The following KAZN variants were observed in gnomAD, a reference collection of about 807,000 sequenced individuals.
KAZN encodes kazrin, periplakin interacting protein.
In KAZN, 40 loss-of-function variants were observed where a neutral mutation model predicts 87.4. The observed-to-expected ratio is 0.46, with a 90% confidence interval of 0.36 to 0.60. The LOEUF is 0.60. Among genes scored for constraint, KAZN ranks in the 20% least tolerant of loss-of-function variants. The pLI is 0.00. For missense variants in KAZN, 898 were observed against 1,073.9 expected (o/e 0.84, Z 2.29); for synonymous variants, 466 against 458.3 (o/e 1.02, Z -0.22).
intron 1 of KAZN, among the ~76,000 whole-genome samples, chr1:13,974,015 G>C (rs1308616168): frequency 1.3e-5 from 2 of 152,256 alleles, no homozygotes; most frequent in Admixed American, 1.3e-4. Context: ...AGATGCATGG[G>C]GCAAAGTCTG....
intron 1 of KAZN, among the ~76,000 whole-genome samples, chr1:14,014,563 T>C (rs1640474620): frequency 6.6e-6 from 1 of 152,144 alleles, no homozygotes. Flanking sequence ...TCTCTTAGCC[T>C]GCAAGATAAG....
intron 1 of KAZN, among the ~76,000 whole-genome samples, chr1:14,812,291 A>G (rs1202947031): frequency 1.3e-5 from 2 of 152,148 alleles, no homozygotes; most frequent in African/African-American, 4.8e-5. Flanking sequence ...AGGAGCTCAG[A>G]CTACATTTCA....
rs1000264210 is a variant in KAZN, at chr1:15,104,200, G to C, written c.2048+11G>C. The C allele has an allele frequency of 6.4e-7, 1 of 1,564,194 alleles. No individual in the cohort carries two copies. Among genetic ancestry groups the C allele is most frequent in the Non-Finnish European group, 8.7e-7 (1 of 1,154,496 alleles). ...CTTCCACCCAGCCAAGTGAGCACGG[G>C]CTGGGATCCAGTCATGTGGGCTGCT... On this transcript the variant is annotated intron_variant, in intron 13 of 14. Coordinates refer to ENST00000376030, the MANE Select transcript of KAZN (RefSeq NM_201628.3).
At chr1:14,650,571 A>G (rs1638297321) in intron 1 of KAZN, among the ~76,000 whole-genome samples, 1 of 152,180 alleles carries the variant, frequency 6.6e-6, no homozygotes, top group South Asian at 2.1e-4. Flanking sequence ...AACAAAAAAG[A>G]CACAATGGGA....
At chr1:14,990,136 A>T (rs1299095777) in intron 2 of KAZN, among the ~76,000 whole-genome samples, 1 of 152,186 alleles carries the variant, frequency 6.6e-6, no homozygotes, top group Non-Finnish European at 1.5e-5. Flanking sequence ...TTGGGATCTC[A>T]TTCCAAAGTC....
At chr1:14,592,885 G>T (rs1676288306) in intron 2 of KAZN, among the ~76,000 whole-genome samples, 1 of 152,212 alleles carries the variant, frequency 6.6e-6, no homozygotes, top group Non-Finnish European at 1.5e-5. Flanking sequence ...CAGGTGGAAT[G>T]CATGAATGCC....
intron 2 of KAZN, among the ~76,000 whole-genome samples, chr1:14,510,331 T>C (rs1367967393): frequency 6.7e-6 from 1 of 150,092 alleles, no homozygotes; most frequent in Non-Finnish European, 1.5e-5. Context: ...TGAGCCGAGA[T>C]GGCGCCATTG....
At position 14,769,850 on chromosome 1, in the gene KAZN, C is replaced by T. The variant is rs1458391683; in HGVS notation, c.226+170627C>T. Reference sequence around the variant, plus strand: ...ATATGACGGGATAGGTAGATGTTGACGAAGTAACTGAGTATTCTGGGTTTG... The same window carrying T: ...ATATGACGGGATAGGTAGATGTTGATGAAGTAACTGAGTATTCTGGGTTTG... On this transcript the variant is annotated intron_variant, in intron 1 of 14. Coordinates refer to ENST00000376030, the MANE Select transcript of KAZN (RefSeq NM_201628.3). The surrounding 1 kb of genome is among the most constrained non-coding windows in gnomAD (Gnocchi z 4.1). Among the ~76,000 whole-genome samples the T allele has an allele frequency of 1.3e-5, 2 of 152,164 alleles. No homozygotes were observed. The highest frequency in any genetic ancestry group is 2.1e-4 in the South Asian group (1 of 4,826).
At chr1:14,683,613 A>G (rs867298745) in intron 1 of KAZN, among the ~76,000 whole-genome samples, 2 of 152,214 alleles carry the variant, frequency 1.3e-5, no homozygotes, top group South Asian at 2.1e-4. Context: ...TTCACGACCC[A>G]TTTATTAACC....
chr1:14,703,307 C>T (rs888917258), intron 1 of KAZN, among the ~76,000 whole-genome samples: 1 of 152,176 alleles, frequency 6.6e-6, no homozygotes, highest in African/African-American at 2.4e-5. Flanking sequence ...TTCCCATAAT[C>T]CCCATGGGTC....
chr1:15,110,391 T>TTGTG (rs71000363), intron 13 of KAZN, among the ~76,000 whole-genome samples: 126,622 of 150,850 alleles, frequency 0.84, 53,509 homozygotes, highest in South Asian at 0.96. Context: ...ATTTGTGTGT[T>TTGTG]TGTGTGTGTC....
intron 2 of KAZN, among the ~76,000 whole-genome samples, chr1:15,030,970 A>C (rs1322038121): frequency 3.3e-5 from 5 of 152,068 alleles, no homozygotes; most frequent in African/African-American, 1.2e-4. Flanking sequence ...CCACCTGGGG[A>C]GCTTATGTTG....
intron 1 of KAZN, among the ~76,000 whole-genome samples, chr1:14,685,574 C>T (rs553417825): frequency 6.6e-6 from 1 of 152,344 alleles, no homozygotes; most frequent in South Asian, 2.1e-4. Flanking sequence ...GCCTGAGCAT[C>T]TCTGCTCTTG....
intron 1 of KAZN, among the ~76,000 whole-genome samples, chr1:14,681,659 T>G (rs12028340): frequency 8.2e-4 from 5 of 6,098 alleles, no homozygotes; most frequent in African/African-American, 2.1e-3. Flanking sequence ...ATATATATAT[T>G]TTTTTTTTTT....
intron 8 of KAZN, among the ~76,000 whole-genome samples, chr1:15,083,220 C>T (rs1396429238): frequency 6.6e-6 from 1 of 152,216 alleles, no homozygotes; most frequent in African/African-American, 2.4e-5. Flanking sequence ...CATGTGGACT[C>T]AAGCCTGTGC....
At chr1:14,229,847 T>G (rs1647641994) in intron 2 of KAZN, among the ~76,000 whole-genome samples, 1 of 152,278 alleles carries the variant, frequency 6.6e-6, no homozygotes, top group African/African-American at 2.4e-5. Flanking sequence ...TAGATTCTCC[T>G]GGATGCAGAA....
chr1:14,766,174 C>T (rs755420802), intron 1 of KAZN, among the ~76,000 whole-genome samples: 1 of 152,108 alleles, frequency 6.6e-6, no homozygotes, highest in African/African-American at 2.4e-5. Flanking sequence ...TGTGGGAGCT[C>T]CAGAAACTAC....
intron 2 of KAZN, among the ~76,000 whole-genome samples, chr1:14,182,198 T>A (rs11580833): frequency 0.29 from 44,273 of 152,040 alleles, 6,833 homozygotes; most frequent in East Asian, 0.47. Flanking sequence ...CGATGACTGC[T>A]AGAATGTTCT....
At chr1:14,060,224 G>A (rs545703118) in intron 1 of KAZN, among the ~76,000 whole-genome samples, 2 of 152,022 alleles carry the variant, frequency 1.3e-5, no homozygotes, top group Admixed American at 6.6e-5. Flanking sequence ...TTAGCTGGGC[G>A]TGGCAGCATG....
Sources: gnomAD v4.1 joint callset for allele counts (sites outside exome capture counted in the v4.1 genomes callset) on GRCh38, gnomAD v4.1.1 for gene constraint, Gnocchi (gnomAD v3.1) non-coding constraint, MANE v1.5 for transcripts, NCBI Gene and HGNC (gene_info 2026-07-23, HGNC 2026-07-21) for gene names.